Variants in ENPEP observed in about 807,000 individuals in gnomAD.
ENPEP encodes AP-A.
Under a neutral mutation model 114.5 loss-of-function variants are expected in ENPEP, and 103 were observed. The observed-to-expected ratio is 0.90, with a 90% CI of 0.77 to 1.06. The LOEUF (loss-of-function observed/expected upper bound fraction) is 1.06. Among genes scored for constraint, ENPEP ranks in the 50% least tolerant of loss-of-function variants. The pLI is 0.00. For missense variants in ENPEP, 1,196 were observed against 1,161.3 expected, an observed-to-expected ratio of 1.03 and a Z score of -0.43; for synonymous variants, 420 against 422.0, an observed-to-expected ratio of 1.00 and a Z score of 0.06.
rs958083841 is a variant in ENPEP at position 110,565,121 on chromosome 4, A to G, written c.*3563A>G. 2 of 152,188 alleles carry G rather than the reference A, an allele frequency of 1.3e-5. No homozygotes were observed. The highest frequency in any genetic ancestry group is 1.3e-4 in the Admixed American group (2 of 15,286). The allele number at this position is 152,188 out of a possible 1,614,324, so 9.4% of individuals were successfully genotyped here. On this transcript the variant is annotated 3_prime_UTR_variant, in exon 20 of 20. Coordinates refer to ENST00000265162, the MANE Select transcript of ENPEP (RefSeq NM_001977.4). ...TCCTCCTTCCTCTACTTCAGGGTTTAGCGACCTTTTGCCTGCCTGTTTTTG... is the reference window on the plus strand; with the variant it reads ...TCCTCCTTCCTCTACTTCAGGGTTTGGCGACCTTTTGCCTGCCTGTTTTTG...
intron 7 of ENPEP, among the ~76,000 whole-genome samples, chr4:110,513,869 A>G (rs1049549023): frequency 1.3e-5 from 2 of 152,280 alleles, no homozygotes; most frequent in African/African-American, 4.8e-5. Context: ...TTAAAAGACA[A>G]TAAATCTTTT....
In ENPEP at chr4:110,513,495, T is replaced by A. The variant is rs534635869; in HGVS notation, c.1389T>A (p.Thr463=). Residue 463 remains threonine, a synonymous_variant, in exon 7 of 20, where the codon ACT becomes ACA. Transcript: ENST00000265162. ...SLMSSHPIIV[T]VTTPDEITSV... ...TGTCTTCGCATCCAATTATTGTGAC[T>A]GTGACAACCCCTGATGAAATAACAT... The A allele has an allele frequency of 3.5e-5, 56 of 1,613,628 alleles. 1 individual carries two copies. In the Admixed American group the frequency reaches 7.5e-4, roughly 22 times the overall value.
chr4:110,524,751 G>A (rs1459935239), intron 10 of ENPEP, among the ~76,000 whole-genome samples: 1 of 152,062 alleles, frequency 6.6e-6, no homozygotes, highest in African/African-American at 2.4e-5. Flanking sequence ...TTTGCCAAAT[G>A]TATTTATTTA....
intron 18 of ENPEP, among the ~76,000 whole-genome samples, chr4:110,558,602 A>C (rs1727574311): frequency 6.6e-6 from 1 of 152,076 alleles, no homozygotes; most frequent in Non-Finnish European, 1.5e-5. Context: ...GCCTGTAATA[A>C]TTTTTAAATG....
chr4:110,525,825 T>C (rs1726175667), intron 10 of ENPEP, among the ~76,000 whole-genome samples: 1 of 152,222 alleles, frequency 6.6e-6, no homozygotes, highest in Non-Finnish European at 1.5e-5. Context: ...TCTCTCTTAC[T>C]ATATGAGTCC....
chr4:110,508,578 G>A (rs1246926812), intron 4 of ENPEP, among the ~76,000 whole-genome samples: 3 of 152,180 alleles, frequency 2.0e-5, no homozygotes, highest in African/African-American at 4.8e-5. Flanking sequence ...TTGGGAGGCC[G>A]AGGCGGGTGG....
chr4:110,483,715 G>A (rs1724399918), intron 1 of ENPEP, among the ~76,000 whole-genome samples: 4 of 152,170 alleles, frequency 2.6e-5, no homozygotes, highest in Admixed American at 2.6e-4. Flanking sequence ...CATTTGCCTG[G>A]CGCGATAATT....
At chr4:110,494,067 A>C (rs566558642) in intron 3 of ENPEP, among the ~76,000 whole-genome samples, 1 of 152,334 alleles carries the variant, frequency 6.6e-6, no homozygotes, top group Non-Finnish European at 1.5e-5. Flanking sequence ...TGTATTCAAA[A>C]ATTCAAGAAT....
Position 110,531,291 on chromosome 4 carries a change from ATTGAT to A in ENPEP, c.1807+17_1807+21del, listed in dbSNP as rs777020504. The stretch of plus-strand genomic sequence containing the variant: ...CAGAAAAAGAAGGTAAATATTATTA[ATTGAT>A]TTATTTCTTCTTTGAATTGATGTAC... On this transcript the variant is annotated intron_variant, in intron 11 of 19. Transcript: ENST00000265162. The A allele has an allele frequency of 1.1e-4, 150 of 1,396,902 alleles. No homozygotes were observed. Among genetic ancestry groups the A allele is most frequent in the Non-Finnish European group, 1.4e-4 (149 of 1,045,866 alleles). The allele number at this position is 1,396,902 out of a possible 1,614,324, so 86.5% of individuals were successfully genotyped here.
At position 110,476,757 on chromosome 4, in the gene ENPEP, T is replaced by A. The variant is rs1333677149; in HGVS notation, c.343T>A (p.Tyr115Asn). The A allele has an allele frequency of 6.2e-7, 1 of 1,614,168 alleles. No individual in the cohort carries two copies. The highest frequency in any genetic ancestry group is 1.7e-5 in the Admixed American group (1 of 60,028). Residue 115 changes from tyrosine to asparagine, a missense_variant, in exon 1 of 20, where the codon TAC becomes AAC. Coordinates refer to ENST00000265162, the MANE Select transcript of ENPEP (RefSeq NM_001977.4). ...GAAGCCCCTGTTGGAGGAGGACACC[T>A]ACACGGGCACCGTGAGCATCTCCAT... ...HVKPLLEEDT[Y>N]TGTVSISINL...
intron 11 of ENPEP, among the ~76,000 whole-genome samples, chr4:110,538,252 T>C: frequency 6.6e-6 from 1 of 152,220 alleles, no homozygotes; most frequent in East Asian, 1.9e-4. Context: ...ACTGAAAATG[T>C]TTTTTAGTGT....
At chr4:110,552,341 A>G (rs961816939) in intron 17 of ENPEP, among the ~76,000 whole-genome samples, 1 of 152,122 alleles carries the variant, frequency 6.6e-6, no homozygotes, top group Non-Finnish European at 1.5e-5. Context: ...CTCCAGTCTC[A>G]TTTAGGGTAA....
At chr4:110,514,039 G>T (rs1578402838) in intron 7 of ENPEP, among the ~76,000 whole-genome samples, 1 of 151,990 alleles carries the variant, frequency 6.6e-6, no homozygotes, top group East Asian at 1.9e-4. Flanking sequence ...TGTAGGTGAG[G>T]ATTTTTTCTT....
chr4:110,479,963 C>A lies in ENPEP; in HGVS notation c.644+2905C>A, dbSNP rs540220056. Among the ~76,000 whole-genome samples the A allele has an allele frequency of 3.9e-5, 6 of 152,330 alleles. No homozygotes were observed. The South Asian group carries it at 1.2e-3, about 32-fold the overall frequency. ...AGCATTATATACACAAATACTCTCA[C>A]TCTTTGAGTTATTTTAGTGTACCAG... On this transcript the variant is annotated intron_variant, in intron 1 of 19. Transcript: ENST00000265162.
At chr4:110,496,780 G>C (rs1273283269) in intron 3 of ENPEP, among the ~76,000 whole-genome samples, 5 of 152,232 alleles carry the variant, frequency 3.3e-5, no homozygotes, top group African/African-American at 9.6e-5. Context: ...TACCACAGAG[G>C]TGAAGGGTCC....
At chr4:110,529,408 T>A (rs1193912475) in intron 10 of ENPEP, among the ~76,000 whole-genome samples, 1 of 152,138 alleles carries the variant, frequency 6.6e-6, no homozygotes, top group African/African-American at 2.4e-5. Flanking sequence ...GAAATGATCA[T>A]GTGTGTGAAA....
intron 3 of ENPEP, among the ~76,000 whole-genome samples, chr4:110,499,219 T>C (rs550684576): frequency 6.6e-6 from 1 of 152,348 alleles, no homozygotes; most frequent in South Asian, 2.1e-4. Context: ...TCTCTAATGA[T>C]ACTAACACTT....
chr4:110,514,329 T>C (rs942355099), intron 7 of ENPEP, among the ~76,000 whole-genome samples: 7 of 152,218 alleles, frequency 4.6e-5, no homozygotes, highest in African/African-American at 1.7e-4. Flanking sequence ...TTAAAATGAA[T>C]ACTTGAGTGA....
chr4:110,535,622 A>G (rs1726585727), intron 11 of ENPEP, among the ~76,000 whole-genome samples: 1 of 152,254 alleles, frequency 6.6e-6, no homozygotes, highest in Admixed American at 6.5e-5. Flanking sequence ...CAGTTAAAAT[A>G]TACTAGTTAG....
Sources: allele counts gnomAD v4.1 joint callset (sites outside exome capture counted in the v4.1 genomes callset), GRCh38; gene constraint gnomAD v4.1.1; transcripts MANE v1.5; gene names NCBI Gene and HGNC (gene_info 2026-07-23, HGNC 2026-07-21).